MYO9B: variants seen among roughly 807,000 people sequenced by gnomAD.
The protein encoded by MYO9B is unconventional myosin-IXb.
In MYO9B, 71 loss-of-function variants were observed where a neutral mutation model predicts 229.5. The ratio of observed to expected loss-of-function variants is 0.31; its 90% CI spans 0.26 to 0.38. The LOEUF (loss-of-function observed/expected upper bound fraction) is 0.38. Among genes scored for constraint, MYO9B ranks in the 10% least tolerant of loss-of-function variants. The pLI, the probability that MYO9B is intolerant of heterozygous loss-of-function variation, is 1.00. For missense variants in MYO9B, 2,255 were observed against 2,920.5 expected, an observed-to-expected ratio of 0.77 and a Z score of 5.25; for synonymous variants, 1,185 against 1,235.8, an observed-to-expected ratio of 0.96 and a Z score of 0.86.
intron 1 of MYO9B, among the ~76,000 whole-genome samples, chr19:17,087,136 A>G (rs1172724646): frequency 6.6e-6 from 1 of 152,176 alleles, no homozygotes; most frequent in Non-Finnish European, 1.5e-5. Flanking sequence ...CCATATGTTG[A>G]AAGAAGGCAG....
chr19:17,100,093 G>T (rs1183023290), intron 1 of MYO9B, among the ~76,000 whole-genome samples: 1 of 150,484 alleles, frequency 6.6e-6, no homozygotes, highest in Non-Finnish European at 1.5e-5. Context: ...CTGCACTAGA[G>T]CCTGGGCAAC....
intron 13 of MYO9B, among the ~76,000 whole-genome samples, chr19:17,174,687 C>T (rs1391407329): frequency 2.0e-5 from 3 of 151,938 alleles, no homozygotes; most frequent in Non-Finnish European, 4.4e-5. Context: ...GTAATCCCAA[C>T]ACTTCGGGAG....
At chr19:17,184,657 G>A (rs1050255971) in intron 16 of MYO9B, 12 of 543,064 alleles carry the variant, frequency 2.2e-5, no homozygotes, top group Admixed American at 6.5e-5. Context: ...CAGCCCTCCC[G>A]GAACCAGCGC....
chr19:17,154,299 T>G lies in MYO9B; in HGVS notation c.1099-16T>G. ...GGCCCAGGAATGCCCAGAGTACCCATGCCTTTGTTTTCCAGCATAACTTGA... is the reference window on the plus strand; with the variant it reads ...GGCCCAGGAATGCCCAGAGTACCCAGGCCTTTGTTTTCCAGCATAACTTGA... On this transcript the variant is annotated splice_polypyrimidine_tract_variant and intron_variant, in intron 5 of 39. Transcript: ENST00000682292. 1 of 1,608,340 alleles carries G rather than the reference T, an allele frequency of 6.2e-7. No individual in the cohort carries two copies. Among genetic ancestry groups the G allele is most frequent in the East Asian group, 2.2e-5 (1 of 44,750 alleles).
intron 2 of MYO9B, among the ~76,000 whole-genome samples, chr19:17,129,271 G>A (rs543297313): frequency 2.0e-5 from 3 of 152,236 alleles, no homozygotes; most frequent in South Asian, 4.1e-4. Context: ...GCTTGGTGGC[G>A]GGCTCCTGTA....
intron 31 of MYO9B, 48 bp from the exon 32 acceptor site, chr19:17,205,912 G>C (rs2073155100): frequency 1.3e-6 from 2 of 1,505,032 alleles, no homozygotes; most frequent in Non-Finnish European, 1.8e-6. Context: ...GACAGCTGGA[G>C]AGGAAGACAG....
intron 2 of MYO9B, among the ~76,000 whole-genome samples, chr19:17,125,316 A>AG (rs71180362): frequency 2.3e-5 from 3 of 131,440 alleles, no homozygotes; most frequent in East Asian, 5.2e-4. Flanking sequence ...CCCCAAAAAA[A>AG]GGGTAAGATG....
chr19:17,209,268 C>T (rs2073198424), intron 35 of MYO9B, among the ~76,000 whole-genome samples: 1 of 152,218 alleles, frequency 6.6e-6, no homozygotes, highest in Non-Finnish European at 1.5e-5. Flanking sequence ...CTGCCTATTG[C>T]CCCTGGGACA....
At chr19:17,100,269 A>C (rs2057732529) in intron 1 of MYO9B, among the ~76,000 whole-genome samples, 1 of 152,096 alleles carries the variant, frequency 6.6e-6, no homozygotes, top group Non-Finnish European at 1.5e-5. Context: ...CAGGAGTTTG[A>C]GACCAGCCTG....
At chr19:17,141,231 G>A (rs59616136) in intron 2 of MYO9B, among the ~76,000 whole-genome samples, 12,985 of 151,948 alleles carry the variant, frequency 0.085, 784 homozygotes, top group East Asian at 0.33. Flanking sequence ...TCCGGTTTCC[G>A]CCTCCCTGGT....
In MYO9B at chr19:17,192,952, G is replaced by T; in HGVS notation, c.3018G>T (p.Val1006=). The T allele has an allele frequency of 6.5e-7, 1 of 1,541,242 alleles. No homozygotes were observed. Reference sequence around the variant, plus strand: ...CGCTGGAGAGGACGCAGGCTGCCGTGTACCTCCAGGCCTCATGGAGGGGCT... The same window carrying T: ...CGCTGGAGAGGACGCAGGCTGCCGTTTACCTCCAGGCCTCATGGAGGGGCT... ...RRALERTQAA[V]YLQASWRGYW... is the part of the protein sequence containing the mutation. The change falls in exon 21 of 40, where the codon GTG becomes GTT. Residue 1006 remains valine, a synonymous_variant. Coordinates refer to ENST00000682292, the MANE Select transcript of MYO9B (RefSeq NM_004145.4).
intron 2 of MYO9B, among the ~76,000 whole-genome samples, chr19:17,109,529 G>A (rs1026835612): frequency 6.6e-6 from 1 of 152,196 alleles, no homozygotes; most frequent in Non-Finnish European, 1.5e-5. Flanking sequence ...GTTTCCTGAG[G>A]TGTCTATAAC....
At chr19:17,147,460 C>T (rs1462656026) in intron 3 of MYO9B, among the ~76,000 whole-genome samples, 9 of 146,044 alleles carry the variant, frequency 6.2e-5, no homozygotes, top group African/African-American at 2.3e-4. Context: ...AGGAGAATCG[C>T]TTGAACCCAG....
At chr19:17,104,522 G>A (rs573805122) in intron 2 of MYO9B, among the ~76,000 whole-genome samples, 1 of 152,190 alleles carries the variant, frequency 6.6e-6, no homozygotes, top group Non-Finnish European at 1.5e-5. Flanking sequence ...GCCACCTGGT[G>A]AGGGCCAGGG....
intron 2 of MYO9B, 106 bp downstream of exon 2, chr19:17,102,663 G>C (rs2057756480): frequency 1.4e-6 from 2 of 1,407,674 alleles, no homozygotes; most frequent in African/African-American, 2.9e-5. Context: ...TGCTTTGGAA[G>C]GCTGAGGGAG....
At chr19:17,078,753 T>C (rs2057509021) in intron 1 of MYO9B, among the ~76,000 whole-genome samples, 1 of 152,126 alleles carries the variant, frequency 6.6e-6, no homozygotes. Context: ...TGGAAGGGAT[T>C]GCACAAGCAG....
At chr19:17,099,296 G>A (rs553964025) in intron 1 of MYO9B, 1 of 151,954 alleles carries the variant, frequency 6.6e-6, no homozygotes, top group African/African-American at 2.4e-5. Flanking sequence ...AAATGAAGAG[G>A]GTGAATTTTG....
chr19:17,089,802 A>G (rs1005356172), intron 1 of MYO9B, among the ~76,000 whole-genome samples: 5 of 152,162 alleles, frequency 3.3e-5, no homozygotes, highest in African/African-American at 4.8e-5. Flanking sequence ...TGAAATGCAC[A>G]TAACGTGTAA....
chr19:17,176,483 C>T (rs1460862994), intron 14 of MYO9B, among the ~76,000 whole-genome samples: 2 of 152,160 alleles, frequency 1.3e-5, no homozygotes, highest in Admixed American at 1.3e-4. Flanking sequence ...ATTCTAAACC[C>T]AGGTCGAGGT....
Sources: gnomAD v4.1 joint callset for allele counts (sites outside exome capture counted in the v4.1 genomes callset) on GRCh38, gnomAD v4.1.1 for gene constraint, MANE v1.5 for transcripts, NCBI Gene and HGNC (gene_info 2026-07-23, HGNC 2026-07-21) for gene names.